The following ASAP2 variants were observed in gnomAD, a reference collection of about 807,000 sequenced individuals.
ASAP2 encodes the protein arf-GAP with SH3 domain, ANK repeat and PH domain-containing protein 2.
ASAP2 carries 45 observed loss-of-function variants against 131.4 expected under a neutral mutation model. The observed-to-expected ratio is 0.34, with a 90% CI of 0.27 to 0.44. The LOEUF (loss-of-function observed/expected upper bound fraction) is 0.44. Among genes scored for constraint, ASAP2 ranks in the 20% least tolerant of loss-of-function variants. The pLI, the probability that ASAP2 is intolerant of heterozygous loss-of-function variation, is 1.00. For missense variants in ASAP2, 1,011 were observed against 1,297.0 expected, an observed-to-expected ratio of 0.78 and a Z score of 3.39; for synonymous variants, 510 against 503.0, an observed-to-expected ratio of 1.01 and a Z score of -0.19.
At chr2:9,352,449 A>G (rs1305162928) in intron 12 of ASAP2, among the ~76,000 whole-genome samples, 2 of 152,202 alleles carry the variant, frequency 1.3e-5, no homozygotes, top group Non-Finnish European at 2.9e-5. Flanking sequence ...ATAAGCAATA[A>G]TAGTGAACCT....
intron 5 of ASAP2, among the ~76,000 whole-genome samples, chr2:9,321,675 C>G (rs1469639895): frequency 6.6e-6 from 1 of 152,130 alleles, no homozygotes; most frequent in African/African-American, 2.4e-5. Context: ...CTGTGTGTGA[C>G]TAGACCAAGG....
At chr2:9,254,236 A>AATATATATATATATATATATAT (rs34570938) in intron 1 of ASAP2, among the ~76,000 whole-genome samples, 3 of 47,104 alleles carry the variant, frequency 6.4e-5, no homozygotes, top group Admixed American at 3.4e-4. Context: ...AAAAAAAAAA[A>AATATATATATATATATATATAT]ATATATATAT....
In ASAP2 at chr2:9,334,898, G is replaced by A. The variant is rs113195045; in HGVS notation, c.762+85G>A. 2.8e-3 allele frequency: 4,109 copies of A among 1,485,820 alleles called. 66 individuals carry two copies. The African/African-American group carries it at 0.048, about 18-fold the overall frequency. The allele number at this position is 1,485,820 out of a possible 1,614,324, so 92.0% of individuals were successfully genotyped here. Reference sequence around the variant, plus strand: ...CTAAATGTCACTTCTGTGTAATCCTGTGTTTTCATGCCGTGCCGCCCACGT... The same window carrying A: ...CTAAATGTCACTTCTGTGTAATCCTATGTTTTCATGCCGTGCCGCCCACGT... On this transcript the variant is annotated intron_variant, in intron 8 of 27. Coordinates refer to ENST00000281419, the MANE Select transcript of ASAP2 (RefSeq NM_003887.3).
intron 24 of ASAP2, chr2:9,399,796 T>C (rs903055406): frequency 1.8e-6 from 1 of 570,772 alleles, no homozygotes; most frequent in South Asian, 2.0e-5. Context: ...GTGGACAGAG[T>C]GCTCTGGAAA....
intron 9 of ASAP2, among the ~76,000 whole-genome samples, chr2:9,339,339 A>G (rs750351762): frequency 4.6e-5 from 7 of 152,006 alleles, no homozygotes; most frequent in African/African-American, 7.2e-5. Flanking sequence ...TGGGTCTCCC[A>G]CTTCCTACCC....
chr2:9,344,196 GA>G (rs1276173926), intron 9 of ASAP2, among the ~76,000 whole-genome samples: 1 of 152,130 alleles, frequency 6.6e-6, no homozygotes, highest in African/African-American at 2.4e-5. Flanking sequence ...CTCCCTCCTC[GA>G]GGGCTACTGT....
At chr2:9,226,501 C>T (rs528845414) in intron 1 of ASAP2, among the ~76,000 whole-genome samples, 1 of 152,200 alleles carries the variant, frequency 6.6e-6, no homozygotes, top group Non-Finnish European at 1.5e-5. Flanking sequence ...TTCAAGGGCA[C>T]CTTCCAGCTT....
chr2:9,395,606 T>TC (rs1676078205), intron 24 of ASAP2, among the ~76,000 whole-genome samples: 1 of 97,132 alleles, frequency 1.0e-5, no homozygotes, highest in Non-Finnish European at 2.0e-5. Context: ...TTTTTTTTTT[T>TC]TTTTTTTTTT....
intron 7 of ASAP2, among the ~76,000 whole-genome samples, 184 bp from the exon 8 acceptor site, chr2:9,334,554 C>T (rs1007557665): frequency 7.9e-5 from 12 of 152,112 alleles, no homozygotes; most frequent in African/African-American, 2.9e-4. Context: ...TCTGTTCGCT[C>T]CTGCTAATTT....
chr2:9,337,542 C>A (rs1329152890), intron 9 of ASAP2, among the ~76,000 whole-genome samples: 1 of 151,748 alleles, frequency 6.6e-6, no homozygotes, highest in East Asian at 1.9e-4. Context: ...TCTAACCCTC[C>A]CTGTGTAATA....
chr2:9,373,752 CAAA>C (rs898190610), intron 16 of ASAP2, among the ~76,000 whole-genome samples: 17 of 152,344 alleles, frequency 1.1e-4, no homozygotes, highest in African/African-American at 3.6e-4. Context: ...TGCTGTGTTA[CAAA>C]TGGATGCAAC....
chr2:9,309,471 C>T (rs929253169), intron 3 of ASAP2, among the ~76,000 whole-genome samples: 1 of 152,102 alleles, frequency 6.6e-6, no homozygotes, highest in African/African-American at 2.4e-5. Context: ...CAGGGGTTGC[C>T]AGAGACTTGG....
At chr2:9,323,780 C>A (rs886212332) in intron 6 of ASAP2, among the ~76,000 whole-genome samples, 1 of 152,338 alleles carries the variant, frequency 6.6e-6, no homozygotes, top group East Asian at 1.9e-4. Context: ...GAGCGCCTCT[C>A]TGCTCCACTC....
intron 5 of ASAP2, among the ~76,000 whole-genome samples, chr2:9,322,870 TC>T (rs1470475602): frequency 2.6e-5 from 4 of 152,174 alleles, no homozygotes; most frequent in South Asian, 2.1e-4. Flanking sequence ...TGTGCAGACT[TC>T]CTACCTCCTC....
chr2:9,350,088 C>T (rs1271476419), intron 11 of ASAP2, among the ~76,000 whole-genome samples: 2 of 152,180 alleles, frequency 1.3e-5, no homozygotes, highest in Non-Finnish European at 2.9e-5. Flanking sequence ...TCTTCTTACC[C>T]TCAGTCCTTT....
chr2:9,404,864 A>G lies in ASAP2; in HGVS notation c.*1537A>G, dbSNP rs931540204. On this transcript the variant is annotated 3_prime_UTR_variant, in exon 28 of 28. Coordinates refer to ENST00000281419, the MANE Select transcript of ASAP2 (RefSeq NM_003887.3). ...TCAAAGTTCCGGGTAAAAATGTGTTATATCTGTAGTTTTTTGTTTTTGTTT... is the reference window on the plus strand; with the variant it reads ...TCAAAGTTCCGGGTAAAAATGTGTTGTATCTGTAGTTTTTTGTTTTTGTTT... 2 of 152,242 alleles carry G rather than the reference A, an allele frequency of 1.3e-5. No homozygotes were observed. Among genetic ancestry groups the G allele is most frequent in the Admixed American group, 6.6e-5 (1 of 15,236 alleles). 9.4% of individuals were successfully genotyped at this position (152,242 alleles called of 1,614,324 possible).
intron 1 of ASAP2, among the ~76,000 whole-genome samples, chr2:9,213,500 A>C (rs1661756925): frequency 6.6e-6 from 1 of 152,158 alleles, no homozygotes; most frequent in Non-Finnish European, 1.5e-5. Context: ...TAAAGACTTC[A>C]CTGTGGTTCT....
chr2:9,267,148 A>G (rs1435444565), intron 1 of ASAP2, among the ~76,000 whole-genome samples: 1 of 152,192 alleles, frequency 6.6e-6, no homozygotes. Flanking sequence ...TTTTTAAAAA[A>G]TTCAACTTTT....
At chr2:9,257,582 G>A (rs1665253120) in intron 1 of ASAP2, among the ~76,000 whole-genome samples, 2 of 152,242 alleles carry the variant, frequency 1.3e-5, no homozygotes, top group African/African-American at 2.4e-5. Flanking sequence ...GCAGTGGCAC[G>A]ATCTCCATTC....
Sources: gnomAD v4.1 joint callset for allele counts (sites outside exome capture counted in the v4.1 genomes callset) on GRCh38, gnomAD v4.1.1 for gene constraint, MANE v1.5 for transcripts, NCBI Gene and HGNC (gene_info 2026-07-23, HGNC 2026-07-21) for gene names.